The following PCCA variants were observed in gnomAD, a reference collection of about 807,000 sequenced individuals.
The protein encoded by PCCA is propionyl-CoA carboxylase subunit alpha, also known as propionyl-CoA carboxylase alpha chain, mitochondrial.
A neutral mutation model predicts 101.3 loss-of-function variants in PCCA; 74 were observed. That is an observed-to-expected ratio of 0.73 (90% confidence interval 0.61 to 0.89). The LOEUF (loss-of-function observed/expected upper bound fraction) is 0.89. Among genes scored for constraint, PCCA ranks in the 40% least tolerant of loss-of-function variants. The probability of loss-of-function intolerance (pLI) is 0.00; values close to 1 mark genes in which losing one functional copy is unlikely to be tolerated. For synonymous variants in PCCA, 294 were observed against 313.6 expected, an observed-to-expected ratio of 0.94 and a Z score of 0.66; for missense variants, 891 against 907.0, an observed-to-expected ratio of 0.98 and a Z score of 0.23.
chr13:100,525,712 G>A (rs1430503430), intron 22 of PCCA, among the ~76,000 whole-genome samples: 2 of 152,238 alleles, frequency 1.3e-5, no homozygotes, highest in African/African-American at 2.4e-5. Context: ...CACACCTACT[G>A]GCAGAGAGGG....
intron 21 of PCCA, among the ~76,000 whole-genome samples, chr13:100,476,807 T>C (rs2083450321): frequency 6.6e-6 from 1 of 152,072 alleles, no homozygotes; most frequent in East Asian, 1.9e-4. Flanking sequence ...TAGTTCCTCA[T>C]AGCAAAACTG....
chr13:100,446,614 C>A (rs1432258257), intron 20 of PCCA, among the ~76,000 whole-genome samples: 2 of 152,150 alleles, frequency 1.3e-5, no homozygotes, highest in Non-Finnish European at 2.9e-5. Flanking sequence ...ATGCCAGTGT[C>A]AAAACCTAGG....
intron 4 of PCCA, among the ~76,000 whole-genome samples, chr13:100,127,417 TTTTG>T (rs1464732393): frequency 1.3e-5 from 2 of 152,186 alleles, no homozygotes; most frequent in African/African-American, 4.8e-5. Flanking sequence ...ATCTTTTTGG[TTTTG>T]TTTATTTTAT....
chr13:100,367,904 G>A (rs190162016), intron 18 of PCCA, among the ~76,000 whole-genome samples: 2 of 151,932 alleles, frequency 1.3e-5, no homozygotes, highest in East Asian at 1.9e-4. Flanking sequence ...GTTGCAGTGA[G>A]CCGAAATCGC....
At chr13:100,190,715 A>C (rs929358225) in intron 6 of PCCA, among the ~76,000 whole-genome samples, 7 of 152,008 alleles carry the variant, frequency 4.6e-5, no homozygotes, top group Non-Finnish European at 7.4e-5. Context: ...TTATGCTAGC[A>C]CTTTGGGAGG....
intron 12 of PCCA, among the ~76,000 whole-genome samples, chr13:100,278,990 A>G (rs1037684478): frequency 6.6e-6 from 1 of 152,218 alleles, no homozygotes; most frequent in African/African-American, 2.4e-5. Context: ...ACTCATAATG[A>G]TATGAATCAG....
At chr13:100,218,192 T>A (rs1381302438) in intron 7 of PCCA, among the ~76,000 whole-genome samples, 2 of 152,144 alleles carry the variant, frequency 1.3e-5, no homozygotes, top group Admixed American at 1.3e-4. Flanking sequence ...TTGTTTGTTT[T>A]GAGATGGTAT....
intron 19 of PCCA, among the ~76,000 whole-genome samples, chr13:100,379,938 G>C (rs781770653): frequency 6.6e-6 from 1 of 152,092 alleles, no homozygotes; most frequent in Non-Finnish European, 1.5e-5. Flanking sequence ...TCCTGCCGAA[G>C]TCCAAGCTGT....
intron 16 of PCCA, among the ~76,000 whole-genome samples, chr13:100,328,527 A>G (rs192783783): frequency 1.3e-5 from 2 of 151,240 alleles, no homozygotes; most frequent in Admixed American, 6.6e-5. Context: ...CAGTTTGTCA[A>G]TATTTTTATA....
Position 100,262,744 on chromosome 13 carries a change from G to A in PCCA, c.732G>A (p.Leu244=). 1 of 1,338,246 alleles carries A rather than the reference G, an allele frequency of 7.5e-7. No homozygotes were observed. Among genetic ancestry groups the A allele is most frequent in the Non-Finnish European group, 1.0e-6 (1 of 1,000,474 alleles). 82.9% of individuals were successfully genotyped at this position (1,338,246 alleles called of 1,614,324 possible). The change falls in exon 10 of 24, where the codon TTG becomes TTA. Residue 244 remains leucine (L), a synonymous_variant. Transcript: ENST00000376285. The part of the protein sequence containing the change: ...DDEETRDGFR[L]SSQEAASSFG... ...TTTTTCACAGGGATGGTTTTAGATT[G>A]TCATCTCAAGAAGCTGCTTCTAGTT...
At chr13:100,152,998 A>G (rs1486012040) in intron 4 of PCCA, among the ~76,000 whole-genome samples, 1 of 152,168 alleles carries the variant, frequency 6.6e-6, no homozygotes, top group African/African-American at 2.4e-5. Flanking sequence ...TTCCTTGATA[A>G]ACCACCAATT....
intron 4 of PCCA, among the ~76,000 whole-genome samples, chr13:100,124,201 G>C (rs936570798): frequency 6.6e-6 from 1 of 151,964 alleles, no homozygotes; most frequent in South Asian, 2.1e-4. Context: ...AAAGAGTTGA[G>C]AATCTTCATT....
chr13:100,363,126 C>T (rs182686856), intron 18 of PCCA, among the ~76,000 whole-genome samples: 84 of 152,182 alleles, frequency 5.5e-4, no homozygotes, highest in African/African-American at 2.0e-3. Context: ...ATTTATTGCA[C>T]TAGTTAAAAA....
At chr13:100,411,924 C>T (rs1430484485) in intron 19 of PCCA, among the ~76,000 whole-genome samples, 1 of 152,110 alleles carries the variant, frequency 6.6e-6, no homozygotes, top group African/African-American at 2.4e-5. Flanking sequence ...ACCATTCAGT[C>T]CATAGCACAA....
intron 4 of PCCA, chr13:100,150,540 C>T (rs2053179046): frequency 1.5e-6 from 2 of 1,326,360 alleles, no homozygotes; most frequent in East Asian, 2.3e-5. Flanking sequence ...CGGCGAGAAC[C>T]ACCAATAGTG....
intron 17 of PCCA, among the ~76,000 whole-genome samples, 154 bp downstream of exon 17, chr13:100,330,825 G>C (rs769269997): frequency 1.8e-4 from 27 of 152,034 alleles, no homozygotes; most frequent in Non-Finnish European, 3.4e-4. Context: ...TCATGATTTT[G>C]AGTATTTATG....
At chr13:100,127,928 GT>G (rs1300576540) in intron 4 of PCCA, among the ~76,000 whole-genome samples, 1 of 152,012 alleles carries the variant, frequency 6.6e-6, no homozygotes, top group Non-Finnish European at 1.5e-5. Context: ...TTGATATACA[GT>G]TTACCTTATT....
chr13:100,445,480 A>G (rs1468235885), intron 20 of PCCA, among the ~76,000 whole-genome samples: 1 of 152,196 alleles, frequency 6.6e-6, no homozygotes, highest in Non-Finnish European at 1.5e-5. Flanking sequence ...TATTAATAAT[A>G]CGTCGTCATT....
chr13:100,280,080 A>G (rs2063972786), intron 12 of PCCA, among the ~76,000 whole-genome samples: 1 of 151,626 alleles, frequency 6.6e-6, no homozygotes, highest in South Asian at 2.1e-4. Flanking sequence ...GAAATTTGAA[A>G]TAACAATACA....
Sources: gnomAD v4.1 joint callset for allele counts (sites outside exome capture counted in the v4.1 genomes callset) on GRCh38, gnomAD v4.1.1 for gene constraint, MANE v1.5 for transcripts, NCBI Gene and HGNC (gene_info 2026-07-23, HGNC 2026-07-21) for gene names.